KCNH1: variants seen among roughly 807,000 people sequenced by gnomAD.
KCNH1 encodes potassium voltage-gated channel subfamily H member 1, also known as voltage-gated delayed rectifier potassium channel KCNH1.
Under a neutral mutation model 69.2 loss-of-function variants are expected in KCNH1, and 27 were observed. The observed-to-expected ratio is 0.39, with a 90% CI of 0.29 to 0.54. The LOEUF (loss-of-function observed/expected upper bound fraction) is 0.54, where lower values mean the gene tolerates loss of function less well. Ranked by LOEUF, KCNH1 falls within the 20% of genes least tolerant of loss-of-function variation. The probability of loss-of-function intolerance (pLI) is 0.68; values close to 1 mark genes in which losing one functional copy is unlikely to be tolerated. For missense variants in KCNH1, 798 were observed against 1,261.6 expected (o/e 0.63, Z 5.57); for synonymous variants, 456 against 487.7 (o/e 0.93, Z 0.86).
intron 10 of KCNH1, among the ~76,000 whole-genome samples, chr1:210,727,725 C>A (rs1558443014): frequency 6.6e-6 from 1 of 152,202 alleles, no homozygotes; most frequent in Admixed American, 6.5e-5. Flanking sequence ...TCTCTGGAAT[C>A]CAGTTTCAGC....
At chr1:210,831,057 T>C (rs1685151760) in intron 7 of KCNH1, among the ~76,000 whole-genome samples, 1 of 152,204 alleles carries the variant, frequency 6.6e-6, no homozygotes, top group Non-Finnish European at 1.5e-5. Context: ...CTGATTATGG[T>C]CCCTCAATTC....
intron 10 of KCNH1, among the ~76,000 whole-genome samples, chr1:210,699,851 GCTA>G (rs886472784): frequency 6.6e-5 from 10 of 152,158 alleles, no homozygotes; most frequent in African/African-American, 2.4e-4. Flanking sequence ...GGTGTTTGAG[GCTA>G]CTAAGTGGTA....
intron 5 of KCNH1, among the ~76,000 whole-genome samples, chr1:211,050,170 A>G (rs1252330125): frequency 6.7e-6 from 1 of 148,658 alleles, no homozygotes; most frequent in African/African-American, 2.5e-5. Flanking sequence ...GTTTCTTTCC[A>G]TTCCATAGAG....
chr1:210,729,896 G>C (rs1444923555), intron 10 of KCNH1, among the ~76,000 whole-genome samples: 1 of 152,288 alleles, frequency 6.6e-6, no homozygotes, highest in Non-Finnish European at 1.5e-5. Flanking sequence ...AGCTTGCTTT[G>C]AGACTTACTG....
chr1:210,777,578 T>A (rs1683886476), intron 9 of KCNH1, among the ~76,000 whole-genome samples: 1 of 152,190 alleles, frequency 6.6e-6, no homozygotes, highest in African/African-American at 2.4e-5. Flanking sequence ...TATTGTGTAC[T>A]CCCTAGTACT....
At chr1:211,027,973 G>C (rs1689714123) in intron 5 of KCNH1, among the ~76,000 whole-genome samples, 1 of 152,024 alleles carries the variant, frequency 6.6e-6, no homozygotes, top group Non-Finnish European at 1.5e-5. Context: ...CTCAACAATA[G>C]CATCAAACAA....
At chr1:210,926,585 T>C (rs558998570) in intron 6 of KCNH1, among the ~76,000 whole-genome samples, 7 of 152,252 alleles carry the variant, frequency 4.6e-5, no homozygotes, top group Admixed American at 3.9e-4. Context: ...ATCCCAGAAC[T>C]TCCCTCTGAT....
At chr1:210,777,640 A>G (rs763306453) in intron 9 of KCNH1, among the ~76,000 whole-genome samples, 2 of 152,172 alleles carry the variant, frequency 1.3e-5, no homozygotes, top group Non-Finnish European at 2.9e-5. Context: ...TATATGTATT[A>G]AGCATTCTAT....
chr1:210,877,601 A>C (rs1305470581), intron 7 of KCNH1, among the ~76,000 whole-genome samples: 4 of 152,222 alleles, frequency 2.6e-5, no homozygotes, highest in African/African-American at 9.7e-5. Flanking sequence ...TCACTGCACT[A>C]TTCCATACAA....
At chr1:210,713,137 C>CAT (rs1287834638) in intron 10 of KCNH1, among the ~76,000 whole-genome samples, 2 of 151,908 alleles carry the variant, frequency 1.3e-5, no homozygotes, top group East Asian at 3.9e-4. Context: ...AAAACAACAA[C>CAT]ATATTCAAAG....
At chr1:210,918,238 G>A (rs1687387571) in intron 7 of KCNH1, among the ~76,000 whole-genome samples, 1 of 152,208 alleles carries the variant, frequency 6.6e-6, no homozygotes, top group African/African-American at 2.4e-5. Flanking sequence ...AAGGCAAGCT[G>A]AAGCCTCAGG....
chr1:210,977,358 G>A (rs1355133102), intron 6 of KCNH1, among the ~76,000 whole-genome samples: 1 of 151,992 alleles, frequency 6.6e-6, no homozygotes, highest in Non-Finnish European at 1.5e-5. Flanking sequence ...ATGAGTTGAT[G>A]GGTGCAGCAC....
At chr1:211,080,454 A>G (rs952561801) in intron 5 of KCNH1, among the ~76,000 whole-genome samples, 1 of 152,230 alleles carries the variant, frequency 6.6e-6, no homozygotes, top group Admixed American at 6.5e-5. Context: ...TCTTCACAGA[A>G]TTGGAAAAAA....
At chr1:210,781,844 G>A (rs942471193) in intron 9 of KCNH1, among the ~76,000 whole-genome samples, 2 of 152,216 alleles carry the variant, frequency 1.3e-5, no homozygotes, top group Non-Finnish European at 2.9e-5. Flanking sequence ...GGCTAGACAA[G>A]CTGGCTGCAA....
chr1:210,699,757 TAAA>T (rs1390415787), intron 10 of KCNH1, among the ~76,000 whole-genome samples: 1 of 152,216 alleles, frequency 6.6e-6, no homozygotes, highest in African/African-American at 2.4e-5. Context: ...TAAAGAATAA[TAAA>T]AAGTTAACCT....
At chr1:210,775,569 G>C (rs1443135540) in intron 9 of KCNH1, 25 bp from the exon 10 acceptor site, 1 of 1,597,382 alleles carries the variant, frequency 6.3e-7, no homozygotes, top group South Asian at 1.1e-5. Context: ...TTGTCATGAG[G>C]AAAGTGTTGG....
intron 7 of KCNH1, among the ~76,000 whole-genome samples, chr1:210,841,799 T>C (rs1404099098): frequency 6.6e-6 from 1 of 152,148 alleles, no homozygotes. Context: ...CCTAATAAAG[T>C]ATGATCCTAA....
chr1:210,865,270 T>C (rs1377791322), intron 7 of KCNH1, among the ~76,000 whole-genome samples: 1 of 152,242 alleles, frequency 6.6e-6, no homozygotes, highest in East Asian at 1.9e-4. Context: ...ATATGACAGC[T>C]CATTAATTCA....
chr1:210,766,695 G>C (rs997126553), intron 10 of KCNH1, among the ~76,000 whole-genome samples: 1 of 152,122 alleles, frequency 6.6e-6, no homozygotes, highest in Non-Finnish European at 1.5e-5. Context: ...GCACAGGCAG[G>C]GTAAAGACCA....
Sources: gnomAD v4.1 joint callset for allele counts (sites outside exome capture counted in the v4.1 genomes callset) on GRCh38, gnomAD v4.1.1 for gene constraint, MANE v1.5 for transcripts, NCBI Gene and HGNC (gene_info 2026-07-23, HGNC 2026-07-21) for gene names.